Variants in RBFOX1 observed in about 807,000 individuals in gnomAD.
RBFOX1 encodes RNA binding protein fox-1 homolog 1.
Under a neutral mutation model 57.7 loss-of-function variants are expected in RBFOX1, and 8 were observed. The ratio of observed to expected loss-of-function variants is 0.14; its 90% CI spans 0.08 to 0.25. The LOEUF is 0.25. Ranked by LOEUF, RBFOX1 falls within the 10% of genes least tolerant of loss-of-function variation. The pLI, the probability that RBFOX1 is intolerant of heterozygous loss-of-function variation, is 1.00. For synonymous variants in RBFOX1, 326 were observed against 222.4 expected (o/e 1.47, Z -4.15); for missense variants, 611 against 548.5 (o/e 1.11, Z -1.14).
At chr16:5,658,762 G>GTATATATGTATATATAATA (rs1567358582) in intron 3 of RBFOX1, among the ~76,000 whole-genome samples, 1 of 138,720 alleles carries the variant, frequency 7.2e-6, no homozygotes, top group Admixed American at 7.2e-5. Flanking sequence ...ATATATATGT[G>GTATATATGTATATATAATA]TATGTATATA....
intron 1 of RBFOX1, among the ~76,000 whole-genome samples, chr16:6,104,051 C>A (rs527553310): frequency 2.6e-5 from 4 of 152,080 alleles, no homozygotes; most frequent in Non-Finnish European, 5.9e-5. Flanking sequence ...GGTCCTCAGC[C>A]TAGCAGGATT....
chr16:7,050,000 G>A (rs1455025246), intron 3 of RBFOX1, among the ~76,000 whole-genome samples: 1 of 152,142 alleles, frequency 6.6e-6, no homozygotes, highest in South Asian at 2.1e-4. Flanking sequence ...CCATTAAGCA[G>A]TCACTCCTCC....
At chr16:5,277,617 A>G (rs890266260) in intron 1 of RBFOX1, among the ~76,000 whole-genome samples, 6 of 152,032 alleles carry the variant, frequency 3.9e-5, no homozygotes, top group African/African-American at 1.4e-4. Context: ...TCTCCATGAC[A>G]TCAATTTTAT....
rs117167595 is a variant in RBFOX1, at chr16:6,624,647, T to G, written c.-63-29956T>G. Among the ~76,000 whole-genome samples the G allele has an allele frequency of 1.8e-3, 273 of 152,294 alleles. 1 individual carries two copies. Among genetic ancestry groups the G allele is most frequent in the Admixed American group, 4.8e-3 (73 of 15,292 alleles). ...TGTTTTATATGAAAACAAATGGGGTTTTGTTGGGTACATTTTGTGGCATTT... is the reference window on the plus strand; with the variant it reads ...TGTTTTATATGAAAACAAATGGGGTGTTGTTGGGTACATTTTGTGGCATTT... On this transcript the variant is annotated intron_variant, in intron 2 of 15. Coordinates refer to ENST00000550418, the MANE Select transcript of RBFOX1 (RefSeq NM_018723.4).
chr16:7,322,343 G>T (rs971872323), intron 4 of RBFOX1, among the ~76,000 whole-genome samples: 1 of 152,230 alleles, frequency 6.6e-6, no homozygotes, highest in Admixed American at 6.5e-5. Flanking sequence ...CCAAGCTGTG[G>T]TGAATGCTGA....
chr16:6,880,558 A>G (rs146834551), intron 3 of RBFOX1, among the ~76,000 whole-genome samples: 2 of 152,252 alleles, frequency 1.3e-5, no homozygotes, highest in African/African-American at 4.8e-5. Flanking sequence ...AGACACGTGA[A>G]CTCGGAGAAG....
chr16:6,561,395 A>G (rs551877854), intron 2 of RBFOX1, among the ~76,000 whole-genome samples: 1 of 152,244 alleles, frequency 6.6e-6, no homozygotes, highest in Non-Finnish European at 1.5e-5. Context: ...GTAAGTAAAT[A>G]ACATGTTTTT....
chr16:5,884,605 A>G (rs552312098), intron 4 of RBFOX1, among the ~76,000 whole-genome samples: 4 of 152,210 alleles, frequency 2.6e-5, no homozygotes, highest in Non-Finnish European at 5.9e-5. Context: ...CAACGTAGCC[A>G]TAAGCCTTTC....
At chr16:5,385,476 A>G (rs2151402354) in intron 1 of RBFOX1, among the ~76,000 whole-genome samples, 1 of 152,358 alleles carries the variant, frequency 6.6e-6, no homozygotes, top group Admixed American at 6.5e-5. Context: ...AACAACAATT[A>G]GTAATGAGAA....
rs1200874837 is a variant in RBFOX1 at position 5,614,741 on chromosome 16, T to C, written c.318+15780T>C. The stretch of plus-strand genomic sequence containing the variant: ...ACACATTTATTGAGTGCTTACTGAA[T>C]GCAAATCTAGATGCGAGATGCTATG... On this transcript the variant is annotated intron_variant, in intron 3 of 19. Coordinates refer to the RBFOX1 transcript ENST00000641259. Among the ~76,000 whole-genome samples the C allele has an allele frequency of 3.3e-5, 5 of 152,222 alleles. No homozygotes were observed. In the East Asian group the frequency reaches 9.6e-4, roughly 29 times the overall value.
intron 3 of RBFOX1, among the ~76,000 whole-genome samples, chr16:6,812,382 AT>A (rs200839148): frequency 6.6e-6 from 1 of 151,584 alleles, no homozygotes; most frequent in Non-Finnish European, 1.5e-5. Context: ...CTTATTTTTT[AT>A]TTTTTTTGAG....
intron 7 of RBFOX1, among the ~76,000 whole-genome samples, chr16:7,588,365 C>T (rs1469478513): frequency 6.6e-6 from 1 of 152,082 alleles, no homozygotes; most frequent in East Asian, 1.9e-4. Context: ...TTCAAAACTC[C>T]CAAGTTAGGG....
intron 3 of RBFOX1, among the ~76,000 whole-genome samples, chr16:6,689,187 G>C (rs969798369): frequency 1.3e-5 from 2 of 152,096 alleles, no homozygotes; most frequent in Non-Finnish European, 1.5e-5. Flanking sequence ...GTTATTTCTT[G>C]TTAGAGAGCT....
At chr16:6,288,901 T>C (rs940127659) in intron 1 of RBFOX1, among the ~76,000 whole-genome samples, 1 of 152,092 alleles carries the variant, frequency 6.6e-6, no homozygotes, top group Admixed American at 6.6e-5. Context: ...ATTCTGGACA[T>C]TAGTTCTCAA....
At chr16:6,524,146 T>G (rs1266335962) in intron 2 of RBFOX1, among the ~76,000 whole-genome samples, 1 of 152,180 alleles carries the variant, frequency 6.6e-6, no homozygotes, top group African/African-American at 2.4e-5. Context: ...CCCCCGACAC[T>G]ACCTTTCCCA....
rs373094578 is a variant in RBFOX1 at position 7,473,426 on chromosome 16, T to A, written c.28-44721T>A. ...TATATATAATGTTATATATACATAG[T>A]ATATAATATATATTTTATACATTAT... On this transcript the variant is annotated intron_variant, in intron 4 of 15. Coordinates refer to ENST00000550418, the MANE Select transcript of RBFOX1 (RefSeq NM_018723.4). Among the ~76,000 whole-genome samples, 33 of 147,994 alleles carry A rather than the reference T, an allele frequency of 2.2e-4. 1 individual carries two copies. Among genetic ancestry groups the A allele is most frequent in the African/African-American group, 7.6e-4 (31 of 40,688 alleles).
At chr16:5,868,073 A>G (rs2057384944) in intron 4 of RBFOX1, among the ~76,000 whole-genome samples, 1 of 152,182 alleles carries the variant, frequency 6.6e-6, no homozygotes, top group Non-Finnish European at 1.5e-5. Flanking sequence ...TGCTGACAAC[A>G]TAGGTAAAGA....
intron 3 of RBFOX1, among the ~76,000 whole-genome samples, chr16:5,747,773 T>TTTA (rs1271314814): frequency 6.6e-6 from 1 of 152,210 alleles, no homozygotes; most frequent in Non-Finnish European, 1.5e-5. Flanking sequence ...TCTTTACTTC[T>TTTA]TTATTAGTCT....
intron 3 of RBFOX1, among the ~76,000 whole-genome samples, chr16:5,616,835 C>T (rs1050993974): frequency 6.7e-6 from 1 of 149,416 alleles, no homozygotes; most frequent in Non-Finnish European, 1.5e-5. Flanking sequence ...CTTTCTCTTT[C>T]TTCTCCTCCT....
Sources: allele counts gnomAD v4.1 joint callset (sites outside exome capture counted in the v4.1 genomes callset), GRCh38; gene constraint gnomAD v4.1.1; transcripts MANE v1.5; gene names NCBI Gene and HGNC (gene_info 2026-07-23, HGNC 2026-07-21).